The following SRPK1 variants were observed in gnomAD, a reference collection of about 807,000 sequenced individuals.
SRPK1 encodes the protein SRSF protein kinase 1, also known as SFRS protein kinase 1.
In SRPK1, 52 loss-of-function variants were observed where a neutral mutation model predicts 89.5. The observed-to-expected ratio is 0.58, with a 90% CI of 0.46 to 0.73. SRPK1 has a LOEUF of 0.73. Among genes scored for constraint, SRPK1 ranks in the 30% least tolerant of loss-of-function variants. The probability of loss-of-function intolerance (pLI) is 0.00; values close to 1 mark genes in which losing one functional copy is unlikely to be tolerated. For missense variants in SRPK1, 603 were observed against 780.6 expected (o/e 0.77, Z 2.71); for synonymous variants, 255 against 270.2 (o/e 0.94, Z 0.55).
rs924743353 is a variant in SRPK1, at chr6:35,870,196, T to C, written c.991+85A>G. ...AAGATACCCCCAGAGATGTGTTGTA[T>C]GTATGAAACCACTGTATTATATAGC... On this transcript the variant is annotated intron_variant, in intron 10 of 15. Transcript: ENST00000373825. The C allele has an allele frequency of 5.1e-6, 6 of 1,169,302 alleles. No homozygotes were observed. In the African/African-American group the frequency reaches 7.7e-5, roughly 15 times the overall value. 72.4% of individuals were successfully genotyped at this position (1,169,302 alleles called of 1,614,324 possible).
chr6:35,866,642 A>G (rs1178307191), intron 12 of SRPK1, among the ~76,000 whole-genome samples: 1 of 152,202 alleles, frequency 6.6e-6, no homozygotes, highest in African/African-American at 2.4e-5. Context: ...AGAACTAAAA[A>G]TAAAACTACC....
intron 6 of SRPK1, among the ~76,000 whole-genome samples, chr6:35,876,225 C>T (rs769453333): frequency 2.0e-5 from 3 of 150,752 alleles, no homozygotes; most frequent in Non-Finnish European, 4.4e-5. Flanking sequence ...AATAAAAAAA[C>T]TAAACATCAC....
intron 12 of SRPK1, 88 bp from the exon 13 acceptor site, chr6:35,857,456 C>G: frequency 8.9e-7 from 1 of 1,125,296 alleles, no homozygotes; most frequent in South Asian, 1.5e-5. Context: ...AAAATAAACT[C>G]TCTGAAGTTT....
chr6:35,870,818 G>T, intron 9 of SRPK1, 116 bp downstream of exon 9: 2 of 883,816 alleles, frequency 2.3e-6, no homozygotes, highest in Non-Finnish European at 3.4e-6. Flanking sequence ...AGAAGCGCAG[G>T]AATTTTTTTT....
intron 8 of SRPK1, among the ~76,000 whole-genome samples, chr6:35,872,000 C>T (rs985825661): frequency 6.6e-6 from 1 of 152,314 alleles, no homozygotes; most frequent in Non-Finnish European, 1.5e-5. Flanking sequence ...CTCAACCTCC[C>T]AAAGTGTTGC....
At chr6:35,880,720 A>C (rs1770255822) in intron 6 of SRPK1, among the ~76,000 whole-genome samples, 1 of 60,632 alleles carries the variant, frequency 1.6e-5, no homozygotes, top group Non-Finnish European at 2.8e-5. Flanking sequence ...ACTCCATCTC[A>C]AAAAAAAAAA....
At chr6:35,918,316 C>T (rs1333224580) in intron 2 of SRPK1, among the ~76,000 whole-genome samples, 1 of 152,108 alleles carries the variant, frequency 6.6e-6, no homozygotes, top group Non-Finnish European at 1.5e-5. Context: ...GCCTGGGCAA[C>T]ATGGCGAAAC....
At chr6:35,836,313 G>A (rs575198733) in intron 15 of SRPK1, among the ~76,000 whole-genome samples, 1 of 151,724 alleles carries the variant, frequency 6.6e-6, no homozygotes, top group East Asian at 1.9e-4. Context: ...TTGAAAAACT[G>A]TCTTCCACAA....
intron 12 of SRPK1, among the ~76,000 whole-genome samples, chr6:35,866,015 TA>T (rs903465164): frequency 7.5e-5 from 11 of 146,122 alleles, no homozygotes; most frequent in South Asian, 2.1e-4. Flanking sequence ...TCAACTCAAT[TA>T]AAAAAAAAAC....
chr6:35,844,012 T>G (rs1322405833), intron 13 of SRPK1, among the ~76,000 whole-genome samples: 1 of 150,928 alleles, frequency 6.6e-6, no homozygotes, highest in African/African-American at 2.4e-5. Context: ...GCAGTTTTTT[T>G]TTTTTTTTTT....
chr6:35,883,203 A>G (rs1167051940), intron 6 of SRPK1, among the ~76,000 whole-genome samples: 1 of 152,134 alleles, frequency 6.6e-6, no homozygotes, highest in Non-Finnish European at 1.5e-5. Flanking sequence ...TGGATCGCCA[A>G]CATGGCAAAA....
intron 13 of SRPK1, among the ~76,000 whole-genome samples, chr6:35,852,113 GTTAA>G (rs1769569355): frequency 1.3e-5 from 2 of 152,168 alleles, no homozygotes; most frequent in African/African-American, 4.8e-5. Flanking sequence ...AGGTCCTACA[GTTAA>G]TTAACTATAA....
chr6:35,890,016 G>C lies in SRPK1; in HGVS notation c.193+879C>G, dbSNP rs895757065. ...CCAGCTACTCGGGAGGCTGAGGCAG[G>C]AGAATGGCATGAACCCGGGAGGCAG... On this transcript the variant is annotated intron_variant, in intron 3 of 15. Coordinates refer to ENST00000373825, the MANE Select transcript of SRPK1 (RefSeq NM_003137.5). Among the ~76,000 whole-genome samples, 75 of 152,004 alleles carry C rather than the reference G, an allele frequency of 4.9e-4. 4 individuals are homozygous for C. The highest frequency in any genetic ancestry group is 8.8e-5 in the Non-Finnish European group (6 of 68,012).
intron 7 of SRPK1, among the ~76,000 whole-genome samples, chr6:35,873,201 T>A (rs905075891): frequency 3.3e-5 from 5 of 152,246 alleles, no homozygotes; most frequent in African/African-American, 1.2e-4. Context: ...TGGTAAAATC[T>A]ATACTGTATA....
At chr6:35,882,956 G>A (rs965557178) in intron 6 of SRPK1, among the ~76,000 whole-genome samples, 3 of 152,062 alleles carry the variant, frequency 2.0e-5, no homozygotes, top group Admixed American at 1.3e-4. Flanking sequence ...TTACAGGCAC[G>A]TGCCACCACG....
At chr6:35,882,885 T>C (rs1438165888) in intron 6 of SRPK1, among the ~76,000 whole-genome samples, 1 of 152,072 alleles carries the variant, frequency 6.6e-6, no homozygotes, top group Non-Finnish European at 1.5e-5. Flanking sequence ...CTCAGGTCAC[T>C]GCAACCTCCG....
chr6:35,893,745 C>T (rs1414375710), intron 2 of SRPK1, among the ~76,000 whole-genome samples: 1 of 152,132 alleles, frequency 6.6e-6, no homozygotes, highest in Non-Finnish European at 1.5e-5. Context: ...AAAGAAAAAG[C>T]TGGCCAGGCA....
chr6:35,896,627 A>G (rs2127261001), intron 2 of SRPK1, among the ~76,000 whole-genome samples: 1 of 152,326 alleles, frequency 6.6e-6, no homozygotes. Flanking sequence ...CCACACACCA[A>G]GTTGTACATG....
At chr6:35,857,516 T>C in intron 12 of SRPK1, 148 bp from the exon 13 acceptor site, 2 of 641,412 alleles carry the variant, frequency 3.1e-6, no homozygotes. Flanking sequence ...AGCATTTTTA[T>C]GTTATTAGCT....
Sources: gnomAD v4.1 joint callset for allele counts (sites outside exome capture counted in the v4.1 genomes callset) on GRCh38, gnomAD v4.1.1 for gene constraint, MANE v1.5 for transcripts, NCBI Gene and HGNC (gene_info 2026-07-23, HGNC 2026-07-21) for gene names.